Variants in NOTCH3 observed in about 807,000 individuals in gnomAD.
NOTCH3 encodes the protein neurogenic locus notch homolog protein 3.
Under a neutral mutation model 213.3 loss-of-function variants are expected in NOTCH3, and 86 were observed. The ratio of observed to expected loss-of-function variants is 0.40; its 90% CI spans 0.34 to 0.48. The LOEUF (loss-of-function observed/expected upper bound fraction) is 0.48. Ranked by LOEUF, NOTCH3 falls within the 20% of genes least tolerant of loss-of-function variation. NOTCH3 has a pLI of 0.57. For missense variants in NOTCH3, 2,783 were observed against 3,272.6 expected (o/e 0.85, Z 3.65); for synonymous variants, 1,354 against 1,355.9 (o/e 1.00, Z 0.03).
chr19:15,179,788 C>A (rs2046824090), intron 20 of NOTCH3: 1 of 588,864 alleles, frequency 1.7e-6, no homozygotes, highest in Admixed American at 3.0e-5. Context: ...GAGGCTGAAG[C>A]AGAAGAATCA....
rs145859816 is a variant in NOTCH3, at chr19:15,161,530, G to A, written c.6098C>T (p.Pro2033Leu). ...LLDQPSGPRS[P>L]PGPHGLGPLL... ...AGGCCCCAGGCCGTGGGGACCGGGG[G>A]GGCTGCGGGGCCCACTGGGTTGATC... Residue 2033 changes from proline (P) to leucine (L), a missense_variant, in exon 33 of 33, where the codon CCC (proline) becomes CTC (leucine). Pro to Leu is a moderately conservative substitution (Grantham distance 98). Coordinates refer to ENST00000263388, the MANE Select transcript of NOTCH3 (RefSeq NM_000435.3). The A allele has an allele frequency of 1.2e-6, 2 of 1,602,302 alleles. No homozygotes were observed. The highest frequency in any genetic ancestry group is 1.7e-6 in the Non-Finnish European group (2 of 1,174,752).
chr19:15,177,635 C>A lies in NOTCH3; in HGVS notation c.4293G>T (p.Leu1431=). Residue 1431 remains leucine, a synonymous_variant, in exon 24 of 33, where the codon CTG becomes CTT. Coordinates refer to ENST00000263388, the MANE Select transcript of NOTCH3 (RefSeq NM_000435.3). The part of the protein sequence containing the change: ...VGDPWRQCEA[L]QCWRLFNNSR... ...TGTTGTTGAAGAGGCGCCAGCACTG[C>A]AGCGCCTCGCATTGCCGCCAGGGGT... 6.4e-7 allele frequency: 1 copy of A among 1,573,912 alleles called. No homozygotes were observed. The highest frequency in any genetic ancestry group is 8.6e-7 in the Non-Finnish European group (1 of 1,164,902).
intron 1 of NOTCH3, 92 bp downstream of exon 1, chr19:15,200,696 C>A (rs2047005271): frequency 1.0e-6 from 1 of 995,256 alleles, no homozygotes; most frequent in Non-Finnish European, 1.3e-6. Context: ...CTGGTTCCTG[C>A]CTCCCATGAA....
chr19:15,196,185 G>A (rs977939745), intron 2 of NOTCH3, among the ~76,000 whole-genome samples: 1 of 152,076 alleles, frequency 6.6e-6, no homozygotes, highest in African/African-American at 2.4e-5. Context: ...GGCTCCGGGC[G>A]CCGCGCGCGC....
At position 15,184,412 on chromosome 19, in the gene NOTCH3, G is replaced by A. The variant is rs1374631853; in HGVS notation, c.2449C>T (p.Pro817Ser). The A allele has an allele frequency of 1.2e-6, 2 of 1,613,870 alleles. No individual in the cohort carries two copies. The highest frequency in any genetic ancestry group is 2.2e-5 in the South Asian group (2 of 91,072). Residue 817 changes from proline (P) to serine (S), a missense_variant, in exon 16 of 33, where the codon CCC (proline) becomes TCC (serine). By Grantham distance (74) the Pro-to-Ser change is moderately conservative. Coordinates refer to ENST00000263388, the MANE Select transcript of NOTCH3 (RefSeq NM_000435.3). ...CQQDVDECAG[P>S]APCGPHGICT... ...ATACCATGAGGGCCACAGGGTGCGG[G>A]GCCAGCACACTCGTCCACATCCTGC...
Position 15,191,466 on chromosome 19 carries a change from G to A in NOTCH3, c.994C>T (p.Arg332Cys), listed in dbSNP as rs137852641. ...VCFHGATCHD[R>C]VASFYCACPM... ...CAGGCACAGTAGAAAGAAGCCACGC[G>A]GTCATGGCAGGTGGCCCCATGGAAG... The change falls in exon 6 of 33, where the codon CGC becomes TGC. Residue 332 changes from arginine (R) to cysteine (C), a missense_variant. Arg to Cys is a radical substitution (Grantham distance 180, BLOSUM62 -3). Transcript: ENST00000263388. 2 of 1,613,422 alleles carry A rather than the reference G, an allele frequency of 1.2e-6. No individual in the cohort carries two copies. Among genetic ancestry groups the A allele is most frequent in the Non-Finnish European group, 1.7e-6 (2 of 1,180,024 alleles).
chr19:15,200,994 A>T lies in NOTCH3; in HGVS notation c.-89T>A. The T allele has an allele frequency of 5.4e-6, 1 of 186,226 alleles. No homozygotes were observed. Among genetic ancestry groups the T allele is most frequent in the Non-Finnish European group, 1.1e-5 (1 of 92,482 alleles). 11.5% of individuals were successfully genotyped at this position (186,226 alleles called of 1,614,324 possible). On this transcript the variant is annotated 5_prime_UTR_variant, in exon 1 of 33. Transcript: ENST00000263388. Reference sequence around the variant, plus strand: ...GCCTCCGCGCCGCCAACTTCGCCGAAGTGAGGCGGCCGGGCCGCCCCGCCC... The same window carrying T: ...GCCTCCGCGCCGCCAACTTCGCCGATGTGAGGCGGCCGGGCCGCCCCGCCC...
intron 2 of NOTCH3, 60 bp downstream of exon 2, chr19:15,197,440 C>T (rs2046977141): frequency 1.2e-6 from 1 of 800,698 alleles, no homozygotes; most frequent in Admixed American, 2.0e-5. Context: ...GAAGACAAAT[C>T]GCCCCTCCCC....
chr19:15,184,037 C>CAAAAA (rs34518539), intron 16 of NOTCH3, among the ~76,000 whole-genome samples: 13 of 27,632 alleles, frequency 4.7e-4, no homozygotes, highest in Non-Finnish European at 2.5e-4. Flanking sequence ...GACTCTGTCT[C>CAAAAA]AAAAAAAAAA....
chr19:15,197,743 C>A (rs930709021), intron 1 of NOTCH3, among the ~76,000 whole-genome samples, 165 bp from the exon 2 acceptor site: 27 of 85,860 alleles, frequency 3.1e-4, no homozygotes, highest in Non-Finnish European at 3.4e-4. Context: ...CGCCCCCCCC[C>A]CCCCCGCCCC....
Position 15,160,787 on chromosome 19 carries a change from C to T in NOTCH3, c.6841G>A (p.Ala2281Thr), listed in dbSNP as rs759021628. The change falls in exon 33 of 33, where the codon GCC (alanine) becomes ACC (threonine). Residue 2281 changes from alanine to threonine, a missense_variant. Physicochemically the swap from Ala to Thr is moderately conservative, Grantham distance 58. Around this residue, in one of 6 missense-constraint regions of NOTCH3, gnomAD observed 441 missense variants for 432.1 expected, o/e 1.02. Coordinates refer to ENST00000263388, the MANE Select transcript of NOTCH3 (RefSeq NM_000435.3). The part of the protein sequence containing the change: ...PSPATATGAM[A>T]TTTGALPAQP... ...GCAGGCAGTGCCCCAGTGGTGGTGG[C>T]CATGGCCCCAGTGGCAGTGGCTGGG... 1.9e-6 allele frequency: 3 copies of T among 1,613,874 alleles called. No homozygotes were observed. The Admixed American group carries it at 5.0e-5, about 27-fold the overall frequency.
At chr19:15,178,194 G>C in intron 23 of NOTCH3, 104 bp from the exon 24 acceptor site, 1 of 691,574 alleles carries the variant, frequency 1.4e-6, no homozygotes, top group Non-Finnish European at 2.3e-6. Flanking sequence ...CAAGGGGAGA[G>C]AGGGGGAAGA....
chr19:15,181,631 G>A lies in NOTCH3; in HGVS notation c.2737C>T (p.Pro913Ser), dbSNP rs1444541943. The A allele has an allele frequency of 6.4e-7, 1 of 1,551,470 alleles. No homozygotes were observed. Among genetic ancestry groups the A allele is most frequent in the Non-Finnish European group, 8.7e-7 (1 of 1,147,272 alleles). The change falls in exon 17 of 33, where the codon CCG becomes TCG. Residue 913 changes from proline (P) to serine (S), a missense_variant. Around this residue, in one of 6 missense-constraint regions of NOTCH3, gnomAD observed 861 missense variants for 909.1 expected, o/e 0.95. Transcript: ENST00000263388. ...DHVASFTCTC[P>S]PGYGGFHCEQ... ...CAGTGGAAGCCTCCGTAGCCTGGCG[G>A]GCAGGTGCAGGTGAAGGAGGCCACG...
chr19:15,195,877 G>T (rs1224193145), intron 2 of NOTCH3, among the ~76,000 whole-genome samples: 1 of 151,488 alleles, frequency 6.6e-6, no homozygotes, highest in Non-Finnish European at 1.5e-5. Context: ...GCCCCAGCCC[G>T]CGCCCCGCCC....
At chr19:15,178,488 G>A in intron 23 of NOTCH3, 1 of 451,500 alleles carries the variant, frequency 2.2e-6, no homozygotes, top group East Asian at 4.4e-5. Context: ...GGGTTCAAGT[G>A]ATTCTCCTGC....
In NOTCH3 at chr19:15,179,360, A is replaced by G. The variant is rs768707364; in HGVS notation, c.3460+4T>C. On this transcript the variant is annotated splice_donor_region_variant and intron_variant, in intron 21 of 32. Coordinates refer to ENST00000263388, the MANE Select transcript of NOTCH3 (RefSeq NM_000435.3). ...CTGTCCCCCCAACCCTGGCCCTGGCATACCCAGCGTTCCTGGGGGACAGGA... is the reference window on the plus strand; with the variant it reads ...CTGTCCCCCCAACCCTGGCCCTGGCGTACCCAGCGTTCCTGGGGGACAGGA... 1 of 1,614,082 alleles carries G rather than the reference A, an allele frequency of 6.2e-7. No individual in the cohort carries two copies. The highest frequency in any genetic ancestry group is 1.1e-5 in the South Asian group (1 of 91,086).
At position 15,191,192 on chromosome 19, in the gene NOTCH3, CG is replaced by C. The variant is rs1277528944; in HGVS notation, c.1036+231del. On this transcript the variant is annotated intron_variant, in intron 6 of 32. Transcript: ENST00000263388. The stretch of plus-strand genomic sequence containing the variant: ...TGGATTACAGGTGTGCACCACCACG[CG>C]CAGCTAATTTTTGTGTTTTTAGTAG... 2.6e-5 allele frequency among the ~76,000 whole-genome samples: 4 copies of C among 152,004 alleles called. No individual in the cohort carries two copies. In the East Asian group the frequency reaches 7.7e-4, roughly 29 times the overall value.
chr19:15,186,968 T>C lies in NOTCH3; in HGVS notation c.1861A>G (p.Ile621Val), dbSNP rs755668043. The C allele has an allele frequency of 1.4e-5, 23 of 1,614,080 alleles. No homozygotes were observed. Among genetic ancestry groups the C allele is most frequent in the Non-Finnish European group, 1.7e-5 (20 of 1,180,044 alleles). ...GTTGVNCEVN[I>V]DDCASNPCTF... ...CAGGGGTTGCTGGCACAGTCGTCAA[T>C]GTTCACTTCGCAGTTCACACCTAGG... Residue 621 changes from isoleucine (I) to valine (V), a missense_variant, in exon 12 of 33, where the codon ATT (isoleucine) becomes GTT (valine). Transcript: ENST00000263388.
chr19:15,172,917 A>G (rs2046745987), intron 25 of NOTCH3, among the ~76,000 whole-genome samples: 1 of 149,538 alleles, frequency 6.7e-6, no homozygotes, highest in African/African-American at 2.5e-5. Context: ...ACTGCCTTCC[A>G]AAGTGCTGGG....
Sources: gnomAD v4.1 joint callset for allele counts (sites outside exome capture counted in the v4.1 genomes callset) on GRCh38, gnomAD v4.1.1 for gene constraint, gnomAD v4.1.1 regional missense constraint, MANE v1.5 for transcripts, NCBI Gene and HGNC (gene_info 2026-07-23, HGNC 2026-07-21) for gene names.